Variants in EHBP1 observed in about 807,000 individuals in gnomAD.
EHBP1 encodes the protein EH domain binding protein 1, also known as EH domain-binding protein 1.
Under a neutral mutation model 144.0 loss-of-function variants are expected in EHBP1, and 55 were observed. That is an observed-to-expected ratio of 0.38 (90% confidence interval 0.31 to 0.48). The LOEUF (loss-of-function observed/expected upper bound fraction) is 0.48, where lower values mean the gene tolerates loss of function less well. EHBP1 is among the 20% of genes least tolerant of loss of function. EHBP1 has a pLI of 0.98. For synonymous variants in EHBP1, 469 were observed against 472.7 expected (o/e 0.99, Z 0.10); for missense variants, 1,200 against 1,364.2 (o/e 0.88, Z 1.90).
intron 5 of EHBP1, among the ~76,000 whole-genome samples, chr2:62,809,328 A>T (rs1017425427): frequency 6.7e-6 from 1 of 149,826 alleles, no homozygotes; most frequent in Non-Finnish European, 1.5e-5. Flanking sequence ...AGAAGAGCAC[A>T]GTACCCTTGT....
intron 10 of EHBP1, among the ~76,000 whole-genome samples, chr2:62,886,154 G>A (rs1400985224): frequency 6.6e-6 from 1 of 152,174 alleles, no homozygotes; most frequent in Non-Finnish European, 1.5e-5. Context: ...CTTCCAGAAA[G>A]TTCTTTACCT....
At chr2:62,687,666 A>G (rs1038723291) in intron 1 of EHBP1, among the ~76,000 whole-genome samples, 3 of 152,214 alleles carry the variant, frequency 2.0e-5, no homozygotes, top group Admixed American at 1.3e-4. Context: ...TGATGTGCCA[A>G]TCTAAGTACG....
intron 2 of EHBP1, among the ~76,000 whole-genome samples, chr2:62,735,297 T>A (rs1573031493): frequency 1.3e-5 from 2 of 152,022 alleles, no homozygotes; most frequent in Admixed American, 1.3e-4. Flanking sequence ...TTTTTTGTGG[T>A]TGCGTTAGAG....
At chr2:62,823,948 C>G (rs1226930680) in intron 5 of EHBP1, among the ~76,000 whole-genome samples, 2 of 151,940 alleles carry the variant, frequency 1.3e-5, no homozygotes, top group South Asian at 2.1e-4. Context: ...TTGCATTGTT[C>G]CTAAGCAAAT....
At chr2:62,707,333 G>C (rs775727465) in intron 2 of EHBP1, 38 bp downstream of exon 2, 1 of 1,485,618 alleles carries the variant, frequency 6.7e-7, no homozygotes, top group Non-Finnish European at 9.4e-7. Flanking sequence ...CTGTGCTGTG[G>C]CCTAAGCATA....
At chr2:62,834,560 G>A (rs1205815492) in intron 7 of EHBP1, among the ~76,000 whole-genome samples, 2 of 152,156 alleles carry the variant, frequency 1.3e-5, no homozygotes, top group Non-Finnish European at 2.9e-5. Flanking sequence ...TAATGCTATT[G>A]CACACTTAAT....
intron 14 of EHBP1, among the ~76,000 whole-genome samples, chr2:62,959,658 C>T (rs2057899087): frequency 6.6e-6 from 1 of 152,102 alleles, no homozygotes; most frequent in African/African-American, 2.4e-5. Flanking sequence ...GTACCTGTAC[C>T]TGTTGTCCAT....
At chr2:62,858,744 A>G (rs1178505193) in intron 7 of EHBP1, among the ~76,000 whole-genome samples, 3 of 152,204 alleles carry the variant, frequency 2.0e-5, no homozygotes, top group Non-Finnish European at 4.4e-5. Context: ...TTTCTAAGAT[A>G]ATACTTGGTC....
At chr2:62,981,470 G>T (rs1316955678) in intron 15 of EHBP1, among the ~76,000 whole-genome samples, 1 of 152,062 alleles carries the variant, frequency 6.6e-6, no homozygotes, top group Non-Finnish European at 1.5e-5. Flanking sequence ...TCTATTTTTT[G>T]TTTTTCCCAG....
At chr2:62,848,658 G>A (rs2048468514) in intron 7 of EHBP1, among the ~76,000 whole-genome samples, 1 of 152,168 alleles carries the variant, frequency 6.6e-6, no homozygotes, top group Admixed American at 6.5e-5. Context: ...TATGCTTAGT[G>A]AAAGAGGCTT....
At chr2:62,765,891 G>A (rs1271519087) in intron 4 of EHBP1, among the ~76,000 whole-genome samples, 1 of 152,088 alleles carries the variant, frequency 6.6e-6, no homozygotes, top group African/African-American at 2.4e-5. Flanking sequence ...GTGCATCATG[G>A]AAAAGCTCTT....
chr2:62,871,131 C>A (rs1402209368), intron 9 of EHBP1, among the ~76,000 whole-genome samples: 2 of 152,086 alleles, frequency 1.3e-5, no homozygotes, highest in Non-Finnish European at 2.9e-5. Context: ...TGAGTAATAG[C>A]CACACACCTA....
intron 14 of EHBP1, among the ~76,000 whole-genome samples, chr2:62,971,026 A>C (rs1040669145): frequency 1.2e-4 from 19 of 152,246 alleles, no homozygotes; most frequent in African/African-American, 4.3e-4. Flanking sequence ...TACATTACTT[A>C]TTCTTGAAGA....
chr2:62,916,652 C>T lies in EHBP1; in HGVS notation c.1186-26066C>T, dbSNP rs187082250. Reference sequence around the variant, plus strand: ...AGTGATAGGTAAGGATGATATATTTCCATATTTCCAAGATTAGAAAAAGAA... The same window carrying T: ...AGTGATAGGTAAGGATGATATATTTTCATATTTCCAAGATTAGAAAAAGAA... On this transcript the variant is annotated intron_variant, in intron 10 of 22. Coordinates refer to ENST00000431489, the MANE Select transcript of EHBP1 (RefSeq NM_001142616.3). Among the ~76,000 whole-genome samples the T allele has an allele frequency of 4.0e-5, 6 of 150,608 alleles. No individual in the cohort carries two copies. The East Asian group carries it at 1.2e-3, about 29-fold the overall frequency.
At chr2:62,766,017 T>C (rs905247624) in intron 4 of EHBP1, among the ~76,000 whole-genome samples, 4 of 152,206 alleles carry the variant, frequency 2.6e-5, no homozygotes, top group African/African-American at 9.6e-5. Context: ...ACCCTTTCCC[T>C]GTTCACCACC....
chr2:62,742,307 T>C (rs898032370), intron 2 of EHBP1, among the ~76,000 whole-genome samples: 3 of 152,258 alleles, frequency 2.0e-5, no homozygotes, highest in Non-Finnish European at 4.4e-5. Flanking sequence ...ATAAGGGACT[T>C]GAACATCCTT....
At chr2:63,014,807 G>A (rs1313328482) in intron 19 of EHBP1, among the ~76,000 whole-genome samples, 2 of 152,116 alleles carry the variant, frequency 1.3e-5, no homozygotes, top group South Asian at 4.1e-4. Context: ...GAGAAACCCC[G>A]TCTCTACTAA....
At chr2:62,689,200 T>C (rs1057292684) in intron 1 of EHBP1, among the ~76,000 whole-genome samples, 2 of 152,176 alleles carry the variant, frequency 1.3e-5, no homozygotes, top group African/African-American at 2.4e-5. Flanking sequence ...ACACAGAAAC[T>C]TCAGTGCCTC....
At chr2:62,695,984 A>G (rs1478533088) in intron 1 of EHBP1, among the ~76,000 whole-genome samples, 3 of 152,196 alleles carry the variant, frequency 2.0e-5, no homozygotes, top group South Asian at 4.1e-4. Flanking sequence ...AAGTGCTGGG[A>G]TTACAGGCAT....
Sources: allele counts gnomAD v4.1 joint callset (sites outside exome capture counted in the v4.1 genomes callset), GRCh38; gene constraint gnomAD v4.1.1; transcripts MANE v1.5; gene names NCBI Gene and HGNC (gene_info 2026-07-23, HGNC 2026-07-21).